Variants in NEK1 observed in about 807,000 individuals in gnomAD.
The protein encoded by NEK1 is serine/threonine-protein kinase Nek1.
In NEK1, 137 loss-of-function variants were observed where a neutral mutation model predicts 182.1. The observed-to-expected ratio is 0.75, with a 90% CI of 0.65 to 0.87. The LOEUF is 0.87. NEK1 is among the 40% of genes least tolerant of loss of function. NEK1 has a pLI of 0.00. For missense variants in NEK1, 1,391 were observed against 1,494.4 expected, an observed-to-expected ratio of 0.93 and a Z score of 1.14; for synonymous variants, 513 against 492.2, an observed-to-expected ratio of 1.04 and a Z score of -0.56.
Position 169,547,952 on chromosome 4 carries a change from C to A in NEK1, c.1562+7768G>T, listed in dbSNP as rs551022525. Among the ~76,000 whole-genome samples, 269 of 152,292 alleles carry A rather than the reference C, an allele frequency of 1.8e-3. 1 individual carries two copies. Among genetic ancestry groups the A allele is most frequent in the Middle Eastern group, 3.4e-3 (1 of 294 alleles). On this transcript the variant is annotated intron_variant, in intron 18 of 35. Coordinates refer to ENST00000507142, the MANE Select transcript of NEK1 (RefSeq NM_001199397.3). ...GCTCAAAGGAGTTTGTTATTACCCA[C>A]CTCCTGAAGCCTACTTCTGTCAATT...
At chr4:169,482,880 C>T (rs1315951979) in intron 23 of NEK1, among the ~76,000 whole-genome samples, 1 of 152,170 alleles carries the variant, frequency 6.6e-6, no homozygotes, top group Non-Finnish European at 1.5e-5. Flanking sequence ...CATGATCCAC[C>T]TGCCTCGGCC....
intron 35 of NEK1, among the ~76,000 whole-genome samples, chr4:169,397,900 G>A (rs1730988388): frequency 6.6e-6 from 1 of 152,138 alleles, no homozygotes; most frequent in Non-Finnish European, 1.5e-5. Flanking sequence ...CATTGTTGCT[G>A]ATTACTTATG....
chr4:169,490,896 C>T (rs939584339), intron 23 of NEK1, among the ~76,000 whole-genome samples: 1 of 152,026 alleles, frequency 6.6e-6, no homozygotes, highest in Non-Finnish European at 1.5e-5. Context: ...GTAATCCCAG[C>T]ACTTTGGGAG....
In NEK1 at chr4:169,552,628, G is replaced by C. The variant is rs972035333; in HGVS notation, c.1562+3092C>G. On this transcript the variant is annotated intron_variant, in intron 18 of 35. Transcript: ENST00000507142. ...AAGGAAAGAAAACACAAGGTATACA[G>C]ACTGGGAAGGAAGAAATATAACTGT... 5.3e-5 allele frequency among the ~76,000 whole-genome samples: 8 copies of C among 152,204 alleles called. No individual in the cohort carries two copies. The South Asian group carries it at 1.5e-3, about 28-fold the overall frequency.
At chr4:169,581,004 A>T in intron 10 of NEK1, 102 bp from the exon 11 acceptor site, 5 of 404,612 alleles carry the variant, frequency 1.2e-5, no homozygotes, top group Non-Finnish European at 1.8e-5. Context: ...AGTAGTAATT[A>T]TGCTGCCAAA....
intron 19 of NEK1, 107 bp downstream of exon 19, chr4:169,537,702 G>T: frequency 1.2e-6 from 1 of 842,346 alleles, no homozygotes; most frequent in Non-Finnish European, 2.0e-6. Context: ...CTCTTATTAT[G>T]CCTAGATTGT....
intron 5 of NEK1, among the ~76,000 whole-genome samples, chr4:169,596,367 T>C (rs1280003428): frequency 6.6e-6 from 1 of 152,176 alleles, no homozygotes; most frequent in Non-Finnish European, 1.5e-5. Context: ...GAAGCCAGAT[T>C]TTATTTTGAT....
chr4:169,544,343 T>C (rs2149843642), intron 18 of NEK1, among the ~76,000 whole-genome samples: 1 of 152,318 alleles, frequency 6.6e-6, no homozygotes, highest in African/African-American at 2.4e-5. Context: ...GATAAGCTTT[T>C]TGATGTGCTG....
At chr4:169,482,092 T>C (rs1319879469) in intron 23 of NEK1, among the ~76,000 whole-genome samples, 1 of 152,252 alleles carries the variant, frequency 6.6e-6, no homozygotes, top group Non-Finnish European at 1.5e-5. Flanking sequence ...CCTTAAACCT[T>C]ATGAACCAAT....
intron 27 of NEK1, among the ~76,000 whole-genome samples, chr4:169,456,664 A>C (rs1191832915): frequency 6.6e-6 from 1 of 152,228 alleles, no homozygotes; most frequent in Non-Finnish European, 1.5e-5. Context: ...TCCTCCAGAA[A>C]CTAAAAATAT....
chr4:169,402,329 T>C (rs1488759476), intron 32 of NEK1, among the ~76,000 whole-genome samples: 1 of 152,252 alleles, frequency 6.6e-6, no homozygotes, highest in East Asian at 1.9e-4. Context: ...GCTTTCCATA[T>C]ACATGCCCAT....
intron 19 of NEK1, among the ~76,000 whole-genome samples, chr4:169,536,296 C>CAA (rs386402227): frequency 0.014 from 1,252 of 90,312 alleles, 27 homozygotes; most frequent in African/African-American, 0.036. Context: ...GAGTTTGTCT[C>CAA]AAAAAAAAAA....
intron 32 of NEK1, among the ~76,000 whole-genome samples, chr4:169,404,589 A>C (rs923471577): frequency 2.0e-5 from 3 of 152,112 alleles, no homozygotes; most frequent in African/African-American, 7.2e-5. Context: ...TTACAAAATA[A>C]ATTATAAAAA....
rs114008072 is a variant in NEK1 at position 169,539,506 on chromosome 4, C to T, written c.1563-1595G>A. Among the ~76,000 whole-genome samples the T allele has an allele frequency of 7.0e-3, 1,071 of 152,262 alleles. 10 individuals carry two copies. Among genetic ancestry groups the T allele is most frequent in the African/African-American group, 0.025 (1,031 of 41,562 alleles). ...GGACTGTACCCTGTTCTGCCACATC[C>T]CCATCTATGTAAGGCTGGGCCTGAG... is the stretch of plus-strand genomic sequence containing the variant. On this transcript the variant is annotated intron_variant, in intron 18 of 35. Transcript: ENST00000507142.
chr4:169,494,091 G>C (rs1750643887), intron 23 of NEK1, among the ~76,000 whole-genome samples: 1 of 150,060 alleles, frequency 6.7e-6, no homozygotes, highest in African/African-American at 2.5e-5. Flanking sequence ...ACTCACAACG[G>C]ATTTCTTTCT....
chr4:169,503,761 A>C (rs1330741065), intron 23 of NEK1, among the ~76,000 whole-genome samples: 1 of 152,100 alleles, frequency 6.6e-6, no homozygotes, highest in African/African-American at 2.4e-5. Context: ...TCAAACTATG[A>C]AACTACTAAA....
At chr4:169,595,740 A>G (rs1415224728) in intron 5 of NEK1, among the ~76,000 whole-genome samples, 1 of 151,852 alleles carries the variant, frequency 6.6e-6, no homozygotes, top group African/African-American at 2.4e-5. Context: ...TGGCTAACAC[A>G]GTGAAACCCC....
rs1212022306 is a variant in NEK1, at chr4:169,496,695, C to T, written c.2007+10342G>A. On this transcript the variant is annotated intron_variant, in intron 23 of 35. Transcript: ENST00000507142. Reference sequence around the variant, plus strand: ...TTTTGCCTTTGGTTCTGTTTATATGCTGGATTACGTTTATTGATTTGCGTA... The same window carrying T: ...TTTTGCCTTTGGTTCTGTTTATATGTTGGATTACGTTTATTGATTTGCGTA... Among the ~76,000 whole-genome samples, 836 of 150,840 alleles carry T rather than the reference C, an allele frequency of 5.5e-3. 3 individuals carry two copies. Among genetic ancestry groups the T allele is most frequent in the Non-Finnish European group, 7.0e-3 (474 of 67,850 alleles).
At chr4:169,407,986 T>G (rs1182564526) in intron 31 of NEK1, among the ~76,000 whole-genome samples, 1 of 152,232 alleles carries the variant, frequency 6.6e-6, no homozygotes, top group Middle Eastern at 3.2e-3. Context: ...CTGGAAGTAT[T>G]TCTTTTGCTG....
Sources: gnomAD v4.1 joint callset for allele counts (sites outside exome capture counted in the v4.1 genomes callset) on GRCh38, gnomAD v4.1.1 for gene constraint, MANE v1.5 for transcripts, NCBI Gene and HGNC (gene_info 2026-07-23, HGNC 2026-07-21) for gene names.